Variants in MRPL14 observed in about 807,000 individuals in gnomAD.
The protein encoded by MRPL14 is large ribosomal subunit protein uL14m.
Under a neutral mutation model 10.9 loss-of-function variants are expected in MRPL14, and 8 were observed. That is an observed-to-expected ratio of 0.74 (90% CI 0.43 to 1.33). MRPL14 has a LOEUF of 1.33. Among genes scored for constraint, MRPL14 ranks in the 40% most tolerant of loss-of-function variants. The probability of loss-of-function intolerance (pLI) is 0.01; values close to 1 mark genes in which losing one functional copy is unlikely to be tolerated. For synonymous variants in MRPL14, 82 were observed against 74.1 expected (o/e 1.11, Z -0.54); for missense variants, 179 against 194.5 (o/e 0.92, Z 0.47).
chr6:44,114,348 G>GA, intron 2 of MRPL14, 139 bp from the exon 3 acceptor site: 2 of 1,001,434 alleles, frequency 2.0e-6, no homozygotes, highest in East Asian at 2.4e-5. Context: ...AGCAGCAACA[G>GA]AAAGTCAGGA....
chr6:44,116,601 A>G lies in MRPL14; in HGVS notation c.11T>C (p.Phe4Ser). 1 of 1,614,190 alleles carries G rather than the reference A, an allele frequency of 6.2e-7. No homozygotes were observed. The highest frequency in any genetic ancestry group is 8.5e-7 in the Non-Finnish European group (1 of 1,179,996). Residue 4 changes from phenylalanine (F) to serine (S), a missense_variant, in exon 2 of 3, where the codon TTT (phenylalanine) becomes TCT (serine). Physicochemically the swap from Phe to Ser is radical, Grantham distance 155 (BLOSUM62 -2). Transcript: ENST00000372014. Reference sequence around the variant, plus strand: ...GGTGAAGGGGCCCCAGAGCCCAGTAAAGAAAGCCATGGGATCCCAAGATAG... The same window carrying G: ...GGTGAAGGGGCCCCAGAGCCCAGTAGAGAAAGCCATGGGATCCCAAGATAG... MAF[F>S]TGLWGPFTCV... is the part of the protein sequence containing the mutation.
At position 44,114,016 on chromosome 6, in the gene MRPL14, G is replaced by A. The variant is rs1775590959; in HGVS notation, c.265C>T (p.His89Tyr). 1 of 1,614,186 alleles carries A rather than the reference G, an allele frequency of 6.2e-7. No homozygotes were observed. Residue 89 changes from histidine (H) to tyrosine (Y), a missense_variant, in exon 3 of 3, where the codon CAC becomes TAC. Physicochemically the swap from His to Tyr is moderately conservative, Grantham distance 83. Coordinates refer to ENST00000372014, the MANE Select transcript of MRPL14 (RefSeq NM_032111.4). ...GTCATTCGGGGGCCAGGCATGCAGT[G>A]CCCCACAATGAGCGCCTTTTTCTTC... ...GQKKKALIVG[H>Y]CMPGPRMTPR...
At position 44,113,895 on chromosome 6, in the gene MRPL14, T is replaced by A. The variant is rs747830965; in HGVS notation, c.386A>T (p.Lys129Met). ...CACCTTGGAATACTCGCCTTCCCGC[T>A]TGCGCAGGCTGGTGGGGATGGGTGT... ...IKTPIPTSLR[K>M]REGEYSKVLA... Residue 129 changes from lysine to methionine, a missense_variant, in exon 3 of 3, where the codon AAG (lysine) becomes ATG (methionine). Physicochemically the swap from Lys to Met is moderately conservative, Grantham distance 95. Transcript: ENST00000372014. 6.2e-7 allele frequency: 1 copy of A among 1,600,886 alleles called. No homozygotes were observed. Among genetic ancestry groups the A allele is most frequent in the Non-Finnish European group, 8.5e-7 (1 of 1,170,094 alleles).
At position 44,117,922 on chromosome 6, in the gene MRPL14, T is replaced by C. The variant is rs182135707; in HGVS notation, c.-18-1293A>G. On this transcript the variant is annotated intron_variant, in intron 1 of 2. Coordinates refer to ENST00000372014, the MANE Select transcript of MRPL14 (RefSeq NM_032111.4). ...GGCTGGCCTTGAACTCCTGAGTTCA[T>C]GCAATCCTCCCGCCTCAGCCCCGCA... is the stretch of plus-strand genomic sequence containing the variant. Among the ~76,000 whole-genome samples, 628 of 138,918 alleles carry C rather than the reference T, an allele frequency of 4.5e-3. 1 individual carries two copies. Among genetic ancestry groups the C allele is most frequent in the Admixed American group, 8.0e-3 (98 of 12,232 alleles). The allele number at this position is 138,918 out of a possible 152,430, so 91.1% of individuals were successfully genotyped here.
At chr6:44,126,760 T>C (rs753017466) in intron 1 of MRPL14, among the ~76,000 whole-genome samples, 7 of 152,198 alleles carry the variant, frequency 4.6e-5, no homozygotes, top group African/African-American at 1.2e-4. Context: ...GTGGGTGATA[T>C]ATAGAAAGAG....
chr6:44,116,544 A>T lies in MRPL14; in HGVS notation c.68T>A (p.Phe23Tyr), dbSNP rs1247412476. 1.2e-6 allele frequency: 2 copies of T among 1,614,030 alleles called. No homozygotes were observed. Among genetic ancestry groups the T allele is most frequent in the Non-Finnish European group, 1.7e-6 (2 of 1,179,998 alleles). ...CVSRVLSHHC[F>Y]STTGSLSAIQ... is the part of the protein sequence containing the mutation. ...AGAACTTAATGGGAAAAGTTACCTG[A>T]AACAGTGATGGCTCAGCACTCTGCT... Residue 23 changes from phenylalanine (F) to tyrosine (Y), a missense_variant, in exon 2 of 3, where the codon TTC (phenylalanine) becomes TAC (tyrosine). Physicochemically the swap from Phe to Tyr is conservative, Grantham distance 22. Coordinates refer to ENST00000372014, the MANE Select transcript of MRPL14 (RefSeq NM_032111.4).
At chr6:44,114,653 G>C (rs1203307896) in intron 2 of MRPL14, among the ~76,000 whole-genome samples, 1 of 152,148 alleles carries the variant, frequency 6.6e-6, no homozygotes, top group African/African-American at 2.4e-5. Flanking sequence ...CTGTCGCCCA[G>C]GCTAGAGTGC....
At chr6:44,125,546 C>T (rs1299211509) in intron 1 of MRPL14, among the ~76,000 whole-genome samples, 4 of 150,790 alleles carry the variant, frequency 2.7e-5, no homozygotes, top group African/African-American at 9.8e-5. Context: ...GTCCCAGCTA[C>T]TCGGGAGGCT....
chr6:44,119,671 A>G (rs537457308), intron 1 of MRPL14, among the ~76,000 whole-genome samples: 2 of 152,348 alleles, frequency 1.3e-5, no homozygotes, highest in African/African-American at 4.8e-5. Flanking sequence ...GTAGGAGGCA[A>G]GAAGAGATCA....
At chr6:44,115,169 AT>A (rs978748791) in intron 2 of MRPL14, among the ~76,000 whole-genome samples, 47 of 136,944 alleles carry the variant, frequency 3.4e-4, no homozygotes, top group African/African-American at 1.3e-3. Flanking sequence ...CCGCAGGGTA[AT>A]CCTAGGACCT....
intron 1 of MRPL14, among the ~76,000 whole-genome samples, chr6:44,122,087 C>A (rs556013139): frequency 1.4e-5 from 2 of 147,434 alleles, no homozygotes; most frequent in African/African-American, 2.5e-5. Flanking sequence ...CTTCCCCCCC[C>A]TCTTTTTTTT....
intron 1 of MRPL14, among the ~76,000 whole-genome samples, chr6:44,118,389 A>G (rs1046868586): frequency 1.6e-4 from 24 of 152,312 alleles, no homozygotes; most frequent in African/African-American, 5.8e-4. Context: ...ATATCATTTT[A>G]AAGATTAGAA....
chr6:44,126,425 T>C (rs889667686), intron 1 of MRPL14, among the ~76,000 whole-genome samples: 1 of 152,136 alleles, frequency 6.6e-6, no homozygotes, highest in Non-Finnish European at 1.5e-5. Context: ...CTCTTGAAAA[T>C]CCAGCATACA....
intron 1 of MRPL14, among the ~76,000 whole-genome samples, chr6:44,124,132 A>G (rs1359360238): frequency 6.6e-6 from 1 of 152,142 alleles, no homozygotes; most frequent in African/African-American, 2.4e-5. Flanking sequence ...TAGTACCTCC[A>G]TTGGGCCAGG....
intron 1 of MRPL14, among the ~76,000 whole-genome samples, chr6:44,121,433 T>A (rs759793775): frequency 1.8e-4 from 28 of 152,118 alleles, no homozygotes; most frequent in Non-Finnish European, 3.4e-4. Flanking sequence ...TAATTTTCCA[T>A]CTTGCTTTAA....
intron 1 of MRPL14, among the ~76,000 whole-genome samples, chr6:44,123,428 C>T (rs1891440): frequency 0.61 from 92,214 of 152,116 alleles, 29,176 homozygotes; most frequent in East Asian, 0.82. Flanking sequence ...ACATAATCTT[C>T]AAAAAACTCA....
chr6:44,114,205 T>C lies in MRPL14; in HGVS notation c.76A>G (p.Thr26Ala), dbSNP rs779441187. Reference protein sequence around the residue: ...RVLSHHCFSTTGSLSAIQKMT... With the variant: ...RVLSHHCFSTAGSLSAIQKMT... Reference sequence around the variant, plus strand: ...TTCTGAATCGCACTCAGACTCCCAGTGGTGCTGGTGGGAGGAAAAAAAAAA... The same window carrying C: ...TTCTGAATCGCACTCAGACTCCCAGCGGTGCTGGTGGGAGGAAAAAAAAAA... Residue 26 changes from threonine (T) to alanine (A), a missense_variant, in exon 3 of 3, where the codon ACT (threonine) becomes GCT (alanine). Transcript: ENST00000372014. 2 of 1,602,874 alleles carry C rather than the reference T, an allele frequency of 1.2e-6. No homozygotes were observed. The highest frequency in any genetic ancestry group is 1.1e-5 in the South Asian group (1 of 90,442).
chr6:44,125,607 G>A (rs886397490), intron 1 of MRPL14, among the ~76,000 whole-genome samples: 2 of 132,792 alleles, frequency 1.5e-5, no homozygotes, highest in Admixed American at 8.8e-5. Flanking sequence ...AGCTGAGATC[G>A]CACTGCTGCA....
chr6:44,123,817 G>C (rs1026941122), intron 1 of MRPL14, among the ~76,000 whole-genome samples: 1 of 152,154 alleles, frequency 6.6e-6, no homozygotes, highest in Non-Finnish European at 1.5e-5. Context: ...ATTGCAGTGA[G>C]CCATAATTTC....
Sources: allele counts gnomAD v4.1 joint callset (sites outside exome capture counted in the v4.1 genomes callset), GRCh38; gene constraint gnomAD v4.1.1; transcripts MANE v1.5; gene names NCBI Gene and HGNC (gene_info 2026-07-23, HGNC 2026-07-21).